The following MICU2 variants were observed in gnomAD, a reference collection of about 807,000 sequenced individuals.
MICU2 encodes calcium uptake protein 2, mitochondrial.
A neutral mutation model predicts 60.4 loss-of-function variants in MICU2; 64 were observed. That is an observed-to-expected ratio of 1.06 (90% CI 0.87 to 1.31). The LOEUF is 1.31. MICU2 is among the 50% of genes most tolerant of loss of function. The pLI is 0.00. For synonymous variants in MICU2, 201 were observed against 175.0 expected (o/e 1.15, Z -1.17); for missense variants, 569 against 531.0 (o/e 1.07, Z -0.70).
chr13:21,505,760 T>C (rs1207497733), intron 8 of MICU2, among the ~76,000 whole-genome samples: 1 of 152,198 alleles, frequency 6.6e-6, no homozygotes, highest in Non-Finnish European at 1.5e-5. Context: ...AGAAACTACA[T>C]GATCACTTAA....
intron 6 of MICU2, among the ~76,000 whole-genome samples, chr13:21,520,642 G>A (rs1294546867): frequency 1.4e-5 from 2 of 146,766 alleles, no homozygotes; most frequent in East Asian, 4.2e-4. Flanking sequence ...AACTGTTGAT[G>A]TGCATTGAGG....
rs1888415968 is a variant in MICU2 at position 21,584,403 on chromosome 13, A to G, written c.211-17459T>C. On this transcript the variant is annotated intron_variant, in intron 1 of 11. Transcript: ENST00000382374. ...GACTCCATCTCAAAAAAAAAAAAAA[A>G]GGTTTGCATTTCCAGGGTACATACA... 4.0e-5 allele frequency among the ~76,000 whole-genome samples: 6 copies of G among 151,308 alleles called. No individual in the cohort carries two copies. The South Asian group carries it at 1.0e-3, about 26-fold the overall frequency.
intron 6 of MICU2, among the ~76,000 whole-genome samples, chr13:21,517,473 C>T (rs1271155673): frequency 6.6e-6 from 1 of 152,066 alleles, no homozygotes; most frequent in Non-Finnish European, 1.5e-5. Context: ...AAGAAAATCT[C>T]AAATATAAGA....
chr13:21,506,983 A>G lies in MICU2; in HGVS notation c.761+3021T>C, dbSNP rs527507351. On this transcript the variant is annotated intron_variant, in intron 8 of 11. Coordinates refer to ENST00000382374, the MANE Select transcript of MICU2 (RefSeq NM_152726.3). ...AGTACGTTAGTGCAAGCTTTTGAAAATATTATTAGAAGCCATTTTCTGTTA... is the reference window on the plus strand; with the variant it reads ...AGTACGTTAGTGCAAGCTTTTGAAAGTATTATTAGAAGCCATTTTCTGTTA... Among the ~76,000 whole-genome samples the G allele has an allele frequency of 3.3e-5, 5 of 152,372 alleles. No homozygotes were observed. In the South Asian group the frequency reaches 1.0e-3, roughly 32 times the overall value.
intron 1 of MICU2, among the ~76,000 whole-genome samples, chr13:21,582,505 C>CA (rs765059675): frequency 6.6e-6 from 1 of 152,174 alleles, no homozygotes; most frequent in Non-Finnish European, 1.5e-5. Flanking sequence ...CAAAGAATTT[C>CA]AGTAAACATA....
intron 1 of MICU2, among the ~76,000 whole-genome samples, chr13:21,596,912 G>A (rs895862276): frequency 2.6e-5 from 4 of 152,286 alleles, no homozygotes; most frequent in South Asian, 4.1e-4. Context: ...TATTAATATA[G>A]TTGGTTTTTG....
intron 8 of MICU2, among the ~76,000 whole-genome samples, chr13:21,507,274 AAAGT>A (rs1490793437): frequency 2.6e-5 from 4 of 152,200 alleles, no homozygotes; most frequent in African/African-American, 7.2e-5. Flanking sequence ...CCATTGAAGA[AAAGT>A]AAGGTGAGAA....
intron 2 of MICU2, 67 bp downstream of exon 2, chr13:21,566,730 T>C: frequency 7.4e-6 from 10 of 1,349,286 alleles, no homozygotes; most frequent in Non-Finnish European, 1.0e-5. Context: ...TTATCAATCC[T>C]GAAAAACAGG....
At chr13:21,515,311 T>C (rs1177167481) in intron 6 of MICU2, among the ~76,000 whole-genome samples, 3 of 152,180 alleles carry the variant, frequency 2.0e-5, no homozygotes, top group Non-Finnish European at 4.4e-5. Flanking sequence ...CTTGATCTCC[T>C]GACCTTGTGA....
intron 1 of MICU2, among the ~76,000 whole-genome samples, chr13:21,594,914 G>T (rs566730918): frequency 3.9e-5 from 6 of 152,002 alleles, no homozygotes; most frequent in African/African-American, 1.4e-4. Flanking sequence ...TTAGAGGATG[G>T]GTCAACAGGT....
At chr13:21,510,904 C>T (rs1886413432) in intron 7 of MICU2, among the ~76,000 whole-genome samples, 1 of 151,160 alleles carries the variant, frequency 6.6e-6, no homozygotes, top group Admixed American at 6.6e-5. Context: ...AGTAGATTAA[C>T]AGGGTGAGAA....
intron 1 of MICU2, among the ~76,000 whole-genome samples, chr13:21,582,456 GAAAC>G (rs1888367673): frequency 6.6e-6 from 1 of 152,022 alleles, no homozygotes; most frequent in Non-Finnish European, 1.5e-5. Flanking sequence ...AAAGAATTGA[GAAAC>G]AAGCAACAGC....
chr13:21,577,367 A>G (rs1401776185), intron 1 of MICU2, among the ~76,000 whole-genome samples: 1 of 152,152 alleles, frequency 6.6e-6, no homozygotes, highest in African/African-American at 2.4e-5. Context: ...TTAAGAATTA[A>G]TTCTGGGCTG....
rs771113308 is a variant in MICU2 at position 21,566,867 on chromosome 13, G to T, written c.288C>A (p.Leu96=). The T allele has an allele frequency of 1.2e-6, 2 of 1,612,504 alleles. No homozygotes were observed. The highest frequency in any genetic ancestry group is 2.7e-5 in the African/African-American group (2 of 74,758). ...TCATATAATATTCTCCTTCATGTTC[G>T]AGTGAAGAAAACTGCATGAAGCGCT... ...RKQRFMQFSS[L]EHEGEYYMTP... The change falls in exon 2 of 12, where the codon CTC becomes CTA. Residue 96 remains leucine, a synonymous_variant. Coordinates refer to ENST00000382374, the MANE Select transcript of MICU2 (RefSeq NM_152726.3).
intron 6 of MICU2, among the ~76,000 whole-genome samples, chr13:21,514,888 A>C (rs1886529013): frequency 6.6e-6 from 1 of 152,098 alleles, no homozygotes; most frequent in African/African-American, 2.4e-5. Flanking sequence ...CAATGCAAGA[A>C]TCAAAGGACA....
At chr13:21,549,428 G>T (rs370248397) in intron 2 of MICU2, among the ~76,000 whole-genome samples, 196 of 152,244 alleles carry the variant, frequency 1.3e-3, no homozygotes, top group African/African-American at 4.3e-3. Flanking sequence ...TCAAATTTAA[G>T]ATTCATTTGT....
At chr13:21,552,445 T>G (rs1887595765) in intron 2 of MICU2, among the ~76,000 whole-genome samples, 1 of 152,222 alleles carries the variant, frequency 6.6e-6, no homozygotes, top group African/African-American at 2.4e-5. Flanking sequence ...TAGATCCCAT[T>G]TGTCAATTTT....
At chr13:21,513,327 A>C (rs1886479123) in intron 7 of MICU2, among the ~76,000 whole-genome samples, 1 of 152,172 alleles carries the variant, frequency 6.6e-6, no homozygotes, top group Admixed American at 6.5e-5. Context: ...TCCTGATGTC[A>C]GGGGAAAAGA....
chr13:21,548,420 G>T (rs1376446521), intron 2 of MICU2, among the ~76,000 whole-genome samples: 1 of 152,162 alleles, frequency 6.6e-6, no homozygotes, highest in Non-Finnish European at 1.5e-5. Context: ...GTGTGGTTAA[G>T]ATCTTAACAC....
Sources: gnomAD v4.1 joint callset for allele counts (sites outside exome capture counted in the v4.1 genomes callset) on GRCh38, gnomAD v4.1.1 for gene constraint, MANE v1.5 for transcripts, NCBI Gene and HGNC (gene_info 2026-07-23, HGNC 2026-07-21) for gene names.